Variants in ULK4 observed in about 807,000 individuals in gnomAD.
The protein encoded by ULK4 is inactive serine/threonine-protein kinase ULK4.
A neutral mutation model predicts 160.6 loss-of-function variants in ULK4; 133 were observed. The ratio of observed to expected loss-of-function variants is 0.83; its 90% confidence interval spans 0.72 to 0.96. ULK4 has a LOEUF of 0.96. ULK4 is among the 40% of genes least tolerant of loss of function. The pLI is 0.00. For missense variants in ULK4, 1,580 were observed against 1,499.5 expected (o/e 1.05, Z -0.89); for synonymous variants, 534 against 539.8 (o/e 0.99, Z 0.15).
At chr3:41,562,401 A>T (rs12490301) in intron 32 of ULK4, among the ~76,000 whole-genome samples, 2,169 of 152,118 alleles carry the variant, frequency 0.014, 41 homozygotes, top group African/African-American at 0.043. Context: ...GCTGAGTTCA[A>T]GTCCTGGATA....
chr3:41,921,694 C>A (rs564367070), intron 5 of ULK4, among the ~76,000 whole-genome samples: 45 of 152,268 alleles, frequency 3.0e-4, no homozygotes, highest in African/African-American at 1.0e-3. Context: ...TGGGTTCACA[C>A]TCAAATGGGT....
At chr3:41,931,487 AAG>A (rs1491527759) in intron 5 of ULK4, among the ~76,000 whole-genome samples, 2 of 151,782 alleles carry the variant, frequency 1.3e-5, no homozygotes, top group African/African-American at 2.4e-5. Context: ...AAAAAAAAAA[AAG>A]AAAGAAATAT....
chr3:41,906,309 G>A (rs1487782480), intron 12 of ULK4, among the ~76,000 whole-genome samples: 3 of 150,948 alleles, frequency 2.0e-5, no homozygotes, highest in African/African-American at 4.9e-5. Context: ...AGCATCGCTT[G>A]AGCTCAGGAG....
At chr3:41,525,171 GAT>G (rs1405127374) in intron 32 of ULK4, among the ~76,000 whole-genome samples, 1 of 152,136 alleles carries the variant, frequency 6.6e-6, no homozygotes, top group Non-Finnish European at 1.5e-5. Flanking sequence ...GCAGATGAAA[GAT>G]ATGTGAGAGG....
intron 20 of ULK4, among the ~76,000 whole-genome samples, chr3:41,794,364 T>C (rs2040231707): frequency 6.6e-6 from 1 of 151,960 alleles, no homozygotes; most frequent in African/African-American, 2.4e-5. Flanking sequence ...CTTACACTAA[T>C]GAGAAAAAAC....
At chr3:41,649,070 G>A (rs2125735859) in intron 30 of ULK4, among the ~76,000 whole-genome samples, 1 of 152,010 alleles carries the variant, frequency 6.6e-6, no homozygotes, top group South Asian at 2.1e-4. Context: ...AGAGTTTACA[G>A]TGAGCCGAGA....
chr3:41,882,030 A>T, intron 17 of ULK4: 1 of 580,386 alleles, frequency 1.7e-6, no homozygotes. Context: ...TGAGGCCATC[A>T]CATCACCCAG....
intron 31 of ULK4, among the ~76,000 whole-genome samples, chr3:41,599,564 T>C (rs1249663210): frequency 1.6e-5 from 2 of 126,912 alleles, no homozygotes; most frequent in African/African-American, 6.7e-5. Flanking sequence ...ATTTTCTTTT[T>C]CTTTTTTTTT....
intron 27 of ULK4, among the ~76,000 whole-genome samples, chr3:41,704,242 T>C (rs1032383345): frequency 6.6e-6 from 1 of 152,136 alleles, no homozygotes; most frequent in Non-Finnish European, 1.5e-5. Context: ...GACAGAACAC[T>C]GGAAACAGGC....
At chr3:41,805,279 CTGTT>C (rs1488970069) in intron 19 of ULK4, among the ~76,000 whole-genome samples, 3 of 152,090 alleles carry the variant, frequency 2.0e-5, no homozygotes, top group Non-Finnish European at 2.9e-5. Flanking sequence ...ATTTGGCTCT[CTGTT>C]TGTCTGTTAT....
At chr3:41,730,546 G>A (rs377446742) in intron 22 of ULK4, among the ~76,000 whole-genome samples, 7 of 152,006 alleles carry the variant, frequency 4.6e-5, no homozygotes, top group Admixed American at 1.3e-4. Flanking sequence ...CTGGATACAC[G>A]CAGTCTATCA....
chr3:41,312,403 C>G (rs1481547046), intron 35 of ULK4, among the ~76,000 whole-genome samples: 2 of 152,158 alleles, frequency 1.3e-5, no homozygotes, highest in South Asian at 2.1e-4. Flanking sequence ...ATAACAACAA[C>G]AAGCAACCTA....
chr3:41,609,263 T>C (rs1052808841), intron 31 of ULK4, among the ~76,000 whole-genome samples: 8 of 152,214 alleles, frequency 5.3e-5, no homozygotes, highest in African/African-American at 1.9e-4. Flanking sequence ...ATGTTTATTA[T>C]ACTTAGTTCA....
In ULK4 at chr3:41,864,372, T is replaced by G. The variant is rs530819254; in HGVS notation, c.1656+19502A>C. Among the ~76,000 whole-genome samples the G allele has an allele frequency of 4.2e-3, 499 of 117,544 alleles. 4 individuals carry two copies. Among genetic ancestry groups the G allele is most frequent in the Admixed American group, 9.3e-3 (112 of 12,034 alleles). 77.1% of individuals were successfully genotyped at this position (117,544 alleles called of 152,430 possible). On this transcript the variant is annotated intron_variant, in intron 17 of 36. Transcript: ENST00000301831. ...TGTTTTGTTTTGTTTTGTTTTGTTT[T>G]GTTTTGTTTTGTTTTGTTTTTGGTG... is the stretch of plus-strand genomic sequence containing the variant.
intron 2 of ULK4, among the ~76,000 whole-genome samples, chr3:41,946,662 G>A (rs754934664): frequency 5.9e-5 from 9 of 152,174 alleles, no homozygotes; most frequent in Non-Finnish European, 1.2e-4. Flanking sequence ...CCCTGGGGTT[G>A]TGCTATCCAC....
At chr3:41,403,808 C>T (rs1194679712) in intron 34 of ULK4, among the ~76,000 whole-genome samples, 1 of 152,046 alleles carries the variant, frequency 6.6e-6, no homozygotes, top group Admixed American at 6.6e-5. Flanking sequence ...TCATTCAGTT[C>T]TATGCATTTA....
At chr3:41,711,964 T>A (rs914208126) in intron 25 of ULK4, among the ~76,000 whole-genome samples, 1 of 152,166 alleles carries the variant, frequency 6.6e-6, no homozygotes, top group Non-Finnish European at 1.5e-5. Flanking sequence ...CTTCTGCCAA[T>A]AAGAAGTGAA....
intron 33 of ULK4, among the ~76,000 whole-genome samples, chr3:41,462,110 G>A (rs2083699940): frequency 6.6e-6 from 1 of 152,058 alleles, no homozygotes; most frequent in South Asian, 2.1e-4. Flanking sequence ...ATTTGTTGAG[G>A]GGATCTTGGA....
chr3:41,499,810 G>A (rs1228913023), intron 32 of ULK4, among the ~76,000 whole-genome samples: 2 of 152,152 alleles, frequency 1.3e-5, no homozygotes, highest in Admixed American at 6.5e-5. Flanking sequence ...TCTTTAATAT[G>A]AGAGTTTTGA....
Sources: gnomAD v4.1 joint callset for allele counts (sites outside exome capture counted in the v4.1 genomes callset) on GRCh38, gnomAD v4.1.1 for gene constraint, MANE v1.5 for transcripts, NCBI Gene and HGNC (gene_info 2026-07-23, HGNC 2026-07-21) for gene names.